Variants in OPCML observed in about 807,000 individuals in gnomAD.
The protein encoded by OPCML is opioid binding protein/cell adhesion molecule like.
Under a neutral mutation model 37.8 loss-of-function variants are expected in OPCML, and 13 were observed. The ratio of observed to expected loss-of-function variants is 0.34; its 90% CI spans 0.22 to 0.55. OPCML has a LOEUF of 0.55. OPCML is among the 20% of genes least tolerant of loss of function. OPCML has a pLI of 0.91. For missense variants in OPCML, 341 were observed against 435.6 expected (o/e 0.78, Z 1.93); for synonymous variants, 176 against 168.8 (o/e 1.04, Z -0.33).
chr11:132,525,423 A>C (rs974473058), intron 4 of OPCML, among the ~76,000 whole-genome samples: 2 of 152,204 alleles, frequency 1.3e-5, no homozygotes, highest in African/African-American at 4.8e-5. Flanking sequence ...CATATATTTC[A>C]AATATTGCAT....
At chr11:133,390,184 C>T (rs1448801134) in intron 1 of OPCML, among the ~76,000 whole-genome samples, 3 of 152,316 alleles carry the variant, frequency 2.0e-5, no homozygotes, top group South Asian at 2.1e-4. Context: ...ACAGGCCGAA[C>T]GCGGTGGCTC....
chr11:132,606,107 C>T (rs1938277294), intron 3 of OPCML, among the ~76,000 whole-genome samples: 1 of 152,096 alleles, frequency 6.6e-6, no homozygotes. Flanking sequence ...GAAGGAATTT[C>T]GTCTTATATC....
At chr11:133,306,686 C>T (rs1023724982) in intron 1 of OPCML, among the ~76,000 whole-genome samples, 1 of 152,124 alleles carries the variant, frequency 6.6e-6, no homozygotes, top group Non-Finnish European at 1.5e-5. Context: ...GTCCATCTCA[C>T]CTTCTAAGAG....
intron 2 of OPCML, among the ~76,000 whole-genome samples, chr11:132,674,822 A>G (rs1343018885): frequency 6.6e-6 from 1 of 152,194 alleles, no homozygotes; most frequent in African/African-American, 2.4e-5. Flanking sequence ...TCCCTCTCTA[A>G]GGCACATCCA....
At chr11:132,799,898 C>T (rs527373523) in intron 2 of OPCML, among the ~76,000 whole-genome samples, 14 of 152,238 alleles carry the variant, frequency 9.2e-5, no homozygotes, top group East Asian at 7.7e-4. Flanking sequence ...AAGTTCATTT[C>T]GGCTATTCTG....
intron 1 of OPCML, among the ~76,000 whole-genome samples, chr11:133,030,001 G>A (rs1478268415): frequency 6.6e-6 from 1 of 152,132 alleles, no homozygotes; most frequent in Non-Finnish European, 1.5e-5. Flanking sequence ...CTTAAGAGAT[G>A]GTAATTAGTG....
At chr11:133,057,320 G>T (rs1948258392) in intron 1 of OPCML, among the ~76,000 whole-genome samples, 1 of 152,196 alleles carries the variant, frequency 6.6e-6, no homozygotes, top group East Asian at 1.9e-4. Flanking sequence ...CATGGGGTTT[G>T]ATTCAGAATT....
chr11:132,429,531 C>A (rs540953524), intron 7 of OPCML, among the ~76,000 whole-genome samples: 1 of 152,062 alleles, frequency 6.6e-6, no homozygotes, highest in Non-Finnish European at 1.5e-5. Flanking sequence ...AGGGGAAGAG[C>A]GAGGCATGCC....
At chr11:132,901,762 T>C (rs1425302358) in intron 2 of OPCML, among the ~76,000 whole-genome samples, 1 of 152,154 alleles carries the variant, frequency 6.6e-6, no homozygotes, top group Non-Finnish European at 1.5e-5. Flanking sequence ...AGAGAAAAGA[T>C]AAAGAGGCAT....
At position 132,521,347 on chromosome 11, in the gene OPCML, G is replaced by C. The variant is rs150873701; in HGVS notation, c.505+7714C>G. Among the ~76,000 whole-genome samples, 837 of 152,114 alleles carry C rather than the reference G, an allele frequency of 5.5e-3. 9 individuals are homozygous for C. The highest frequency in any genetic ancestry group is 0.019 in the African/African-American group (794 of 41,502). ...TAGATTGCCTGTTCACTCTGATGCTGGTTTATTTTGCTGTGCAGAAGCTCT... is the reference window on the plus strand; with the variant it reads ...TAGATTGCCTGTTCACTCTGATGCTCGTTTATTTTGCTGTGCAGAAGCTCT... On this transcript the variant is annotated intron_variant, in intron 4 of 7. Transcript: ENST00000524381.
chr11:133,334,755 G>T (rs1242365539), intron 1 of OPCML, among the ~76,000 whole-genome samples: 1 of 152,220 alleles, frequency 6.6e-6, no homozygotes, highest in Non-Finnish European at 1.5e-5. Context: ...ACCAGTGAGT[G>T]AGAGCCAAGA....
intron 1 of OPCML, among the ~76,000 whole-genome samples, chr11:133,165,307 C>T (rs532716617): frequency 6.6e-6 from 1 of 152,134 alleles, no homozygotes; most frequent in Non-Finnish European, 1.5e-5. Flanking sequence ...TGCAGGGTCA[C>T]GCTTGCTCAG....
intron 1 of OPCML, among the ~76,000 whole-genome samples, chr11:133,267,763 C>G (rs900967583): frequency 7.2e-5 from 11 of 152,040 alleles, no homozygotes; most frequent in African/African-American, 2.7e-4. Flanking sequence ...CCGTGCTGTT[C>G]TCGAGATAGT....
intron 1 of OPCML, among the ~76,000 whole-genome samples, chr11:133,499,243 G>A (rs948795013): frequency 2.6e-5 from 4 of 152,118 alleles, no homozygotes; most frequent in South Asian, 4.1e-4. Flanking sequence ...CAGGGATTTC[G>A]GGCGAGGGGC....
rs143828312 is a variant in OPCML at position 133,417,463 on chromosome 11, T to TTTTATTTATTTATTTATTTATTTA, written c.61+114777_61+114800dup. ...AAGCAAGTCACTAGCACCTGGATTC[T>TTTTATTTATTTATTTATTTATTTA]TTTATTTATTTATTTATTTATTTAT... On this transcript the variant is annotated intron_variant, in intron 1 of 7. Transcript: ENST00000524381. Among the ~76,000 whole-genome samples, 7 of 151,398 alleles carry TTTTATTTATTTATTTATTTATTTA rather than the reference T, an allele frequency of 4.6e-5. No homozygotes were observed. In the East Asian group the frequency reaches 1.2e-3, roughly 25 times the overall value.
chr11:132,632,203 G>A lies in OPCML; in HGVS notation c.379+24884C>T, dbSNP rs189143530. Among the ~76,000 whole-genome samples, 15 of 148,032 alleles carry A rather than the reference G, an allele frequency of 1.0e-4. No homozygotes were observed. In the East Asian group the frequency reaches 2.7e-3, roughly 27 times the overall value. On this transcript the variant is annotated intron_variant, in intron 3 of 7. Coordinates refer to ENST00000524381, the MANE Select transcript of OPCML (RefSeq NM_001012393.5). ...TGGAGATTTGGGCAGGATCTTGTTA[G>A]GCCCCTGAGGGTGCCTCAGGCATCT... is the stretch of plus-strand genomic sequence containing the variant.
intron 1 of OPCML, among the ~76,000 whole-genome samples, chr11:133,146,798 G>A (rs1421174146): frequency 6.6e-6 from 1 of 152,172 alleles, no homozygotes; most frequent in Non-Finnish European, 1.5e-5. Flanking sequence ...TGCATAAGTA[G>A]GGAACTCCCC....
At chr11:133,361,453 C>A (rs1457626988) in intron 1 of OPCML, 1 of 153,002 alleles carries the variant, frequency 6.5e-6, no homozygotes, top group Non-Finnish European at 1.5e-5. Context: ...ACCACCAATG[C>A]GTTCTTGCAG....
intron 1 of OPCML, among the ~76,000 whole-genome samples, chr11:133,506,237 A>T (rs922793951): frequency 2.0e-5 from 3 of 152,212 alleles, no homozygotes; most frequent in Non-Finnish European, 4.4e-5. Flanking sequence ...GTAAAGAGGA[A>T]CTGAAAGCCA....
Sources: allele counts gnomAD v4.1 joint callset (sites outside exome capture counted in the v4.1 genomes callset), GRCh38; gene constraint gnomAD v4.1.1; transcripts MANE v1.5; gene names NCBI Gene and HGNC (gene_info 2026-07-23, HGNC 2026-07-21).